Variants in PAG1 observed in about 807,000 individuals in gnomAD.
PAG1 encodes phosphoprotein associated with glycosphingolipid-enriched microdomains 1.
PAG1 carries 23 observed loss-of-function variants against 31.7 expected under a neutral mutation model. The observed-to-expected ratio is 0.73, with a 90% CI of 0.52 to 1.03. The LOEUF (loss-of-function observed/expected upper bound fraction) is 1.03, where lower values mean the gene tolerates loss of function less well. PAG1 is among the 50% of genes least tolerant of loss of function. The pLI, the probability that PAG1 is intolerant of heterozygous loss-of-function variation, is 0.00. For synonymous variants in PAG1, 214 were observed against 210.3 expected, an observed-to-expected ratio of 1.02 and a Z score of -0.15; for missense variants, 473 against 540.7, an observed-to-expected ratio of 0.87 and a Z score of 1.24.
intron 3 of PAG1, among the ~76,000 whole-genome samples, chr8:81,010,417 A>G (rs1192363875): frequency 6.6e-6 from 1 of 152,222 alleles, no homozygotes; most frequent in African/African-American, 2.4e-5. Flanking sequence ...CAAAAGTTAT[A>G]TGGCTATTGT....
rs1228092306 is a variant in PAG1, at chr8:80,972,527, C to T, written c.*4017G>A. Reference sequence around the variant, plus strand: ...ATGCCACAGGTGACCGACCTCTGCTCCTGCTACTTGGGAGTCACGTTGTCT... The same window carrying T: ...ATGCCACAGGTGACCGACCTCTGCTTCTGCTACTTGGGAGTCACGTTGTCT... On this transcript the variant is annotated 3_prime_UTR_variant, in exon 9 of 9. Coordinates refer to ENST00000220597, the MANE Select transcript of PAG1 (RefSeq NM_018440.4). 2.0e-5 allele frequency: 3 copies of T among 152,212 alleles called. No homozygotes were observed. Among genetic ancestry groups the T allele is most frequent in the African/African-American group, 7.2e-5 (3 of 41,444 alleles). 9.4% of individuals were successfully genotyped at this position (152,212 alleles called of 1,614,324 possible).
Position 80,976,882 on chromosome 8 carries a change from T to G in PAG1, c.961A>C (p.Asn321His), listed in dbSNP as rs751332333. ...TTATTCACTAACTGTCCAGGTTTAT[T>G]TACTGATGAGTACATAGCTGAGATC... ...EEISAMYSSV[N>H]KPGQLVNKSG... Residue 321 changes from asparagine to histidine, a missense_variant, in exon 9 of 9, where the codon AAT becomes CAT. Coordinates refer to ENST00000220597, the MANE Select transcript of PAG1 (RefSeq NM_018440.4). 6.2e-7 allele frequency: 1 copy of G among 1,613,022 alleles called. No individual in the cohort carries two copies. Among genetic ancestry groups the G allele is most frequent in the African/African-American group, 1.3e-5 (1 of 74,880 alleles).
chr8:80,994,252 G>A (rs557683914), intron 3 of PAG1, among the ~76,000 whole-genome samples: 42 of 152,240 alleles, frequency 2.8e-4, no homozygotes, highest in African/African-American at 9.4e-4. Flanking sequence ...AGTATGTTAT[G>A]TATTCTGAGT....
chr8:81,002,325 G>A (rs776030891), intron 3 of PAG1, among the ~76,000 whole-genome samples: 3 of 151,706 alleles, frequency 2.0e-5, no homozygotes, highest in Admixed American at 6.6e-5. Context: ...TTTCCTACTC[G>A]TGGCTCATGA....
At chr8:80,991,845 G>T (rs2130496175) in intron 4 of PAG1, among the ~76,000 whole-genome samples, 1 of 150,498 alleles carries the variant, frequency 6.6e-6, no homozygotes, top group Non-Finnish European at 1.5e-5. Flanking sequence ...TAAACTAGCA[G>T]AGTAAGTTAT....
At chr8:81,036,397 AT>A (rs1209917040) in intron 2 of PAG1, among the ~76,000 whole-genome samples, 1 of 152,152 alleles carries the variant, frequency 6.6e-6, no homozygotes, top group East Asian at 1.9e-4. Context: ...AGAAAAAAAA[AT>A]GTATCCTTAA....
intron 2 of PAG1, among the ~76,000 whole-genome samples, chr8:81,038,578 G>A (rs1808501365): frequency 6.6e-6 from 1 of 152,204 alleles, no homozygotes. Context: ...GCATTTTACA[G>A]ATGGACCATA....
chr8:81,054,348 C>A (rs866154608), intron 2 of PAG1, among the ~76,000 whole-genome samples: 2 of 152,068 alleles, frequency 1.3e-5, no homozygotes, highest in South Asian at 4.1e-4. Context: ...GCCTTGACTG[C>A]AAAATGAGGA....
chr8:81,070,476 C>T (rs889174121), intron 1 of PAG1, among the ~76,000 whole-genome samples: 8 of 152,106 alleles, frequency 5.3e-5, no homozygotes, highest in African/African-American at 1.4e-4. Flanking sequence ...GTCCATACTT[C>T]GTTTTAATCA....
rs77839940 is a variant in PAG1, at chr8:81,014,380, T to C, written c.-81+15616A>G. ...ATAAAACATTACTTTAAAAACAAAC[T>C]GAGAGTTCAAAACAAACTATTTACT... On this transcript the variant is annotated intron_variant, in intron 3 of 8. Coordinates refer to ENST00000220597, the MANE Select transcript of PAG1 (RefSeq NM_018440.4). Among the ~76,000 whole-genome samples, 1,022 of 152,242 alleles carry C rather than the reference T, an allele frequency of 6.7e-3. 7 individuals are homozygous for C. The highest frequency in any genetic ancestry group is 0.024 in the African/African-American group (985 of 41,542).
rs79743158 is a variant in PAG1, at chr8:80,978,525, C to G, written c.937-1619G>C. ...GGTAACATCAAGGAGGACAAATGTA[C>G]CTTGACCTAGATTGTAACAATGAGA... On this transcript the variant is annotated intron_variant, in intron 8 of 8. Transcript: ENST00000220597. Among the ~76,000 whole-genome samples, 803 of 152,286 alleles carry G rather than the reference C, an allele frequency of 5.3e-3. 7 individuals are homozygous for G. Among genetic ancestry groups the G allele is most frequent in the African/African-American group, 0.018 (752 of 41,558 alleles).
chr8:81,061,145 C>CG (rs1808911325), intron 2 of PAG1, among the ~76,000 whole-genome samples: 1 of 152,102 alleles, frequency 6.6e-6, no homozygotes, highest in South Asian at 2.1e-4. Context: ...GGCTGGAAGT[C>CG]GGGGGATGAG....
intron 2 of PAG1, among the ~76,000 whole-genome samples, chr8:81,044,040 A>AAGGCCAAGAGGT: frequency 6.6e-6 from 1 of 152,338 alleles, no homozygotes; most frequent in South Asian, 2.1e-4. Context: ...TTGAACGGTC[A>AAGGCCAAGAGGT]AGGCCAAGAG....
At chr8:81,083,008 T>C (rs1809294345) in intron 1 of PAG1, among the ~76,000 whole-genome samples, 2 of 152,136 alleles carry the variant, frequency 1.3e-5, no homozygotes, top group Non-Finnish European at 2.9e-5. Context: ...GGTATTATGT[T>C]ATGAGACTTT....
At chr8:80,984,631 C>T in intron 7 of PAG1, 145 bp downstream of exon 7, 1 of 720,058 alleles carries the variant, frequency 1.4e-6, no homozygotes, top group South Asian at 2.2e-5. Context: ...GGGAAAAAGC[C>T]AAACACAGCT....
chr8:81,068,292 G>A (rs1345561339), intron 2 of PAG1, among the ~76,000 whole-genome samples: 2 of 152,154 alleles, frequency 1.3e-5, no homozygotes, highest in African/African-American at 2.4e-5. Flanking sequence ...AAAATGGGTT[G>A]GGACAATTTA....
chr8:81,005,413 C>G (rs1807857992), intron 3 of PAG1, among the ~76,000 whole-genome samples: 1 of 152,176 alleles, frequency 6.6e-6, no homozygotes, highest in Admixed American at 6.5e-5. Flanking sequence ...ATCAGTACAA[C>G]AGAATAGTAA....
rs1371180252 is a variant in PAG1, at chr8:81,060,205, TA to T, written c.-175+9906del. On this transcript the variant is annotated intron_variant, in intron 2 of 8. Transcript: ENST00000220597. ...GTTACTCATTCTTAACTTAGCATTGTAAAACAATTCAGTGTTTTCAGGCATC... is the reference window on the plus strand; with the variant it reads ...GTTACTCATTCTTAACTTAGCATTGTAAACAATTCAGTGTTTTCAGGCATC... Among the ~76,000 whole-genome samples, 12 of 152,346 alleles carry T rather than the reference TA, an allele frequency of 7.9e-5. No homozygotes were observed. In the East Asian group the frequency reaches 2.1e-3, roughly 27 times the overall value.
intron 3 of PAG1, among the ~76,000 whole-genome samples, chr8:81,015,017 T>C (rs1438813009): frequency 1.3e-5 from 2 of 152,222 alleles, no homozygotes; most frequent in East Asian, 3.8e-4. Context: ...CCACCCTCAA[T>C]GCACATTTGC....
Sources: allele counts gnomAD v4.1 joint callset (sites outside exome capture counted in the v4.1 genomes callset), GRCh38; gene constraint gnomAD v4.1.1; transcripts MANE v1.5; gene names NCBI Gene and HGNC (gene_info 2026-07-23, HGNC 2026-07-21).